Variants in SNTG2 observed in about 807,000 individuals in gnomAD.
The protein encoded by SNTG2 is gamma-2-syntrophin.
A neutral mutation model predicts 70.9 loss-of-function variants in SNTG2; 74 were observed. That is an observed-to-expected ratio of 1.04 (90% CI 0.86 to 1.27). SNTG2 has a LOEUF of 1.27. Among genes scored for constraint, SNTG2 ranks in the 50% most tolerant of loss-of-function variants. The pLI, the probability that SNTG2 is intolerant of heterozygous loss-of-function variation, is 0.00. For missense variants in SNTG2, 717 were observed against 690.7 expected (o/e 1.04, Z -0.43); for synonymous variants, 278 against 273.8 (o/e 1.02, Z -0.15).
intron 15 of SNTG2, among the ~76,000 whole-genome samples, chr2:1,314,359 A>G (rs13420301): frequency 0.11 from 17,371 of 152,296 alleles, 1,083 homozygotes; most frequent in South Asian, 0.19. Flanking sequence ...AAGGCAGATG[A>G]GACTTACCTG....
intron 16 of SNTG2, among the ~76,000 whole-genome samples, chr2:1,317,475 CTGGAGCATTTAGCATCAGGTCAGCAT>C: frequency 8.8e-6 from 1 of 114,266 alleles, no homozygotes; most frequent in African/African-American, 3.1e-5. Context: ...GGTTGGGATT[CTGGAGCATTTAGCATCAGGTCAGCAT>C]TGGAGAAGGT....
Position 1,174,289 on chromosome 2 carries a change from C to CAT in SNTG2, c.591+1125_591+1126dup, listed in dbSNP as rs10563978. Among the ~76,000 whole-genome samples, 1,082 of 149,336 alleles carry CAT rather than the reference C, an allele frequency of 7.2e-3. 8 individuals carry two copies. The highest frequency in any genetic ancestry group is 0.027 in the South Asian group (129 of 4,738). ...TTCTTGATTGAAAAAAAGTTTTATC[C>CAT]ATATATATATATATATATATGTAAA... On this transcript the variant is annotated intron_variant, in intron 8 of 16. Coordinates refer to ENST00000308624, the MANE Select transcript of SNTG2 (RefSeq NM_018968.4).
At chr2:970,418 C>T (rs9712290) in intron 1 of SNTG2, among the ~76,000 whole-genome samples, 44,796 of 127,534 alleles carry the variant, frequency 0.35, 8,041 homozygotes, top group Middle Eastern at 0.5. Context: ...TCCCTCCCCC[C>T]TCCCCCCACC....
At chr2:1,065,662 T>C (rs1226198365) in intron 1 of SNTG2, among the ~76,000 whole-genome samples, 1 of 152,264 alleles carries the variant, frequency 6.6e-6, no homozygotes, top group Non-Finnish European at 1.5e-5. Flanking sequence ...TCATGAACTT[T>C]CTTCCTAATA....
chr2:1,240,696 T>C (rs992239536), intron 11 of SNTG2, among the ~76,000 whole-genome samples: 16 of 152,214 alleles, frequency 1.1e-4, no homozygotes, highest in African/African-American at 3.9e-4. Context: ...CTATGAAATA[T>C]TTACTAAAAC....
intron 8 of SNTG2, among the ~76,000 whole-genome samples, chr2:1,205,407 G>C (rs561136968): frequency 6.6e-6 from 1 of 152,300 alleles, no homozygotes; most frequent in African/African-American, 2.4e-5. Flanking sequence ...TGTTTATCTT[G>C]TGAGTGTTGC....
chr2:1,228,801 G>A (rs951056152), intron 9 of SNTG2, among the ~76,000 whole-genome samples: 5 of 152,194 alleles, frequency 3.3e-5, no homozygotes, highest in Admixed American at 6.5e-5. Flanking sequence ...GCGGACCCTC[G>A]CGGTGAGTGT....
chr2:1,149,533 C>G (rs60063549), intron 6 of SNTG2, among the ~76,000 whole-genome samples: 142,478 of 152,100 alleles, frequency 0.94, 66,859 homozygotes, highest in Non-Finnish European at 0.97. Flanking sequence ...AATCTGTAAA[C>G]TCAAGTCCTA....
At chr2:1,000,838 A>T (rs922039410) in intron 1 of SNTG2, among the ~76,000 whole-genome samples, 3 of 151,906 alleles carry the variant, frequency 2.0e-5, no homozygotes, top group Non-Finnish European at 2.9e-5. Flanking sequence ...GGCAAATATC[A>T]TAGATGAACA....
intron 4 of SNTG2, among the ~76,000 whole-genome samples, chr2:1,135,768 G>A (rs1668345773): frequency 6.6e-6 from 1 of 152,168 alleles, no homozygotes; most frequent in Admixed American, 6.5e-5. Flanking sequence ...CACTGGACTT[G>A]TTCAATGACA....
At position 1,212,733 on chromosome 2, in the gene SNTG2, CCTT is replaced by C. The variant is rs1380197685; in HGVS notation, c.719+3504_719+3506del. Among the ~76,000 whole-genome samples the C allele has an allele frequency of 3.9e-5, 6 of 152,270 alleles. 1 individual carries two copies. The highest frequency in any genetic ancestry group is 1.2e-4 in the African/African-American group (5 of 41,558). ...GGCTGAGATGCTGTTCTTAGCTCCA[CCTT>C]ACCTGTAAGCTCCTCAGGTCTCATT... On this transcript the variant is annotated intron_variant, in intron 9 of 16. Coordinates refer to ENST00000308624, the MANE Select transcript of SNTG2 (RefSeq NM_018968.4).
intron 4 of SNTG2, among the ~76,000 whole-genome samples, chr2:1,127,343 GT>G (rs1667762862): frequency 6.6e-6 from 1 of 152,038 alleles, no homozygotes; most frequent in Admixed American, 6.6e-5. Flanking sequence ...CCTGTACCAC[GT>G]TGCTTTGGTT....
intron 6 of SNTG2, 87 bp downstream of exon 6, chr2:1,137,896 A>G: frequency 8.2e-7 from 1 of 1,224,052 alleles, no homozygotes; most frequent in Non-Finnish European, 1.2e-6. Context: ...CACTGAGTCT[A>G]TCCATAGATG....
At chr2:1,182,943 T>C (rs1356424207) in intron 8 of SNTG2, among the ~76,000 whole-genome samples, 1 of 152,094 alleles carries the variant, frequency 6.6e-6, no homozygotes, top group African/African-American at 2.4e-5. Flanking sequence ...TTTGTAAAGA[T>C]GGAGTTTCAC....
intron 6 of SNTG2, chr2:1,159,568 C>T (rs1670139060): frequency 6.6e-6 from 1 of 151,892 alleles, no homozygotes; most frequent in Non-Finnish European, 1.5e-5. Flanking sequence ...CAAAATTCGT[C>T]GAATACAAGT....
chr2:1,023,456 T>C (rs905685649), intron 1 of SNTG2, among the ~76,000 whole-genome samples: 10 of 152,318 alleles, frequency 6.6e-5, no homozygotes, highest in Middle Eastern at 3.4e-3. Flanking sequence ...AAATAGTTGA[T>C]GTTGTCTTTA....
chr2:1,309,433 C>T (rs145885470), intron 15 of SNTG2, among the ~76,000 whole-genome samples: 1 of 152,254 alleles, frequency 6.6e-6, no homozygotes, highest in Non-Finnish European at 1.5e-5. Flanking sequence ...AGACAAAAAC[C>T]TTTCCTAGGC....
chr2:1,160,224 A>G (rs1169646073), intron 6 of SNTG2: 1 of 152,182 alleles, frequency 6.6e-6, no homozygotes, highest in African/African-American at 2.4e-5. Flanking sequence ...TATCTGATCA[A>G]TATGACCAAA....
At chr2:1,172,516 T>A (rs1409565770) in intron 7 of SNTG2, among the ~76,000 whole-genome samples, 1 of 152,228 alleles carries the variant, frequency 6.6e-6, no homozygotes, top group Non-Finnish European at 1.5e-5. Context: ...GAAAGTGCTC[T>A]ATGTCCCCTG....
Sources: gnomAD v4.1 joint callset for allele counts (sites outside exome capture counted in the v4.1 genomes callset) on GRCh38, gnomAD v4.1.1 for gene constraint, MANE v1.5 for transcripts, NCBI Gene and HGNC (gene_info 2026-07-23, HGNC 2026-07-21) for gene names.